The following PYCARD variants were observed in gnomAD, a reference collection of about 807,000 sequenced individuals.
PYCARD encodes apoptosis-associated speck-like protein containing a CARD.
Under a neutral mutation model 10.0 loss-of-function variants are expected in PYCARD, and 10 were observed. The ratio of observed to expected loss-of-function variants is 1.00; its 90% CI spans 0.62 to 1.69. The LOEUF is 1.69. Among genes scored for constraint, PYCARD ranks in the 40% most tolerant of loss-of-function variants. The pLI is 0.00. For missense variants in PYCARD, 239 were observed against 260.2 expected, an observed-to-expected ratio of 0.92 and a Z score of 0.56; for synonymous variants, 121 against 122.3, an observed-to-expected ratio of 0.99 and a Z score of 0.07.
Position 31,202,376 on chromosome 16 carries a change from G to A in PYCARD, c.274+41C>T. On this transcript the variant is annotated intron_variant, in intron 1 of 2. Transcript: ENST00000247470. This position sits in a 1 kb window ranked among gnomAD's most constrained non-coding sequence, Gnocchi z 4.5. ...CCGCGGGGTAAGCGCTGGTGTGGGTGGAGGGGAAAGACGGGGTGGAGGGGA... is the reference window on the plus strand; with the variant it reads ...CCGCGGGGTAAGCGCTGGTGTGGGTAGAGGGGAAAGACGGGGTGGAGGGGA... 1.6e-5 allele frequency: 25 copies of A among 1,527,332 alleles called. No individual in the cohort carries two copies. Among genetic ancestry groups the A allele is most frequent in the Non-Finnish European group, 2.2e-5 (25 of 1,139,578 alleles). The allele number at this position is 1,527,332 out of a possible 1,614,324, so 94.6% of individuals were successfully genotyped here.
rs1330157799 is a variant in PYCARD at position 31,202,469 on chromosome 16, G to A, written c.222C>T (p.Arg74=). 5 of 1,577,766 alleles carry A rather than the reference G, an allele frequency of 3.2e-6. No individual in the cohort carries two copies. The African/African-American group carries it at 4.0e-5, about 13-fold the overall frequency. ...YGAELTANVL[R]DMGLQEMAGQ... is the part of the protein sequence containing the mutation. ...CGGCCATCTCCTGCAGGCCCATGTC[G>A]CGCAGCACGTTAGCGGTGAGCTCGG... Residue 74 remains arginine, a synonymous_variant, in exon 1 of 3, where the codon CGC becomes CGT. Coordinates refer to ENST00000247470, the MANE Select transcript of PYCARD (RefSeq NM_013258.5). The surrounding 1 kb of genome is among the most constrained non-coding windows in gnomAD (Gnocchi z 4.5).
Position 31,202,175 on chromosome 16 carries a change from C to T in PYCARD, c.303G>A (p.Gln101=), listed in dbSNP as rs2079448216. The T allele has an allele frequency of 6.2e-7, 1 of 1,606,760 alleles. No individual in the cohort carries two copies. Among genetic ancestry groups the T allele is most frequent in the East Asian group, 2.2e-5 (1 of 44,862 alleles). The change falls in exon 2 of 3, where the codon CAG becomes CAA. Residue 101 remains glutamine (Q), a synonymous_variant. Transcript: ENST00000247470. This position sits in a 1 kb window ranked among gnomAD's most constrained non-coding sequence, Gnocchi z 4.5. ...QGSGAAPAGI[Q]APPQSAAKPG... Reference sequence around the variant, plus strand: ...GCTTGGCTGCCGACTGAGGAGGGGCCTGGATCCCAGCTGGCGCGGCTCCAG... The same window carrying T: ...GCTTGGCTGCCGACTGAGGAGGGGCTTGGATCCCAGCTGGCGCGGCTCCAG...
chr16:31,202,153 T>C lies in PYCARD; in HGVS notation c.325A>G (p.Lys109Glu). 1.2e-6 allele frequency: 2 copies of C among 1,607,606 alleles called. No homozygotes were observed. Among genetic ancestry groups the C allele is most frequent in the Non-Finnish European group, 8.5e-7 (1 of 1,179,574 alleles). The change falls in exon 2 of 3, where the codon AAG (lysine) becomes GAG (glutamate). Residue 109 changes from lysine to glutamate, a missense_variant. Physicochemically the swap from Lys to Glu is moderately conservative, Grantham distance 56 (BLOSUM62 1). Coordinates refer to ENST00000247470, the MANE Select transcript of PYCARD (RefSeq NM_013258.5). The surrounding 1 kb of genome is among the most constrained non-coding windows in gnomAD (Gnocchi z 4.5). The part of the protein sequence containing the change: ...GIQAPPQSAA[K>E]PGLHFIDQHR... ...CTGGGTGTGGAGGCCTCACCTGGCT[T>C]GGCTGCCGACTGAGGAGGGGCCTGG...
chr16:31,202,708 C>T lies in PYCARD; in HGVS notation c.-18G>A. 2 of 1,527,848 alleles carry T rather than the reference C, an allele frequency of 1.3e-6. No individual in the cohort carries two copies. The highest frequency in any genetic ancestry group is 1.8e-6 in the Non-Finnish European group (2 of 1,140,208). 94.6% of individuals were successfully genotyped at this position (1,527,848 alleles called of 1,614,324 possible). ...CGCCCCATGGCTCCAGGATCCCCGG[C>T]CGCTGCCGCCGCTCACCCCGCTGCA... On this transcript the variant is annotated 5_prime_UTR_variant, in exon 1 of 3. Coordinates refer to ENST00000247470, the MANE Select transcript of PYCARD (RefSeq NM_013258.5). The surrounding 1 kb of genome is among the most constrained non-coding windows in gnomAD (Gnocchi z 4.5).
Position 31,202,324 on chromosome 16 carries a change from G to A in PYCARD, c.274+93C>T, listed in dbSNP as rs776371143. 9 of 1,535,620 alleles carry A rather than the reference G, an allele frequency of 5.9e-6. No homozygotes were observed. Among genetic ancestry groups the A allele is most frequent in the South Asian group, 2.4e-5 (2 of 84,336 alleles). On this transcript the variant is annotated intron_variant, in intron 1 of 2. Coordinates refer to ENST00000247470, the MANE Select transcript of PYCARD (RefSeq NM_013258.5). The surrounding 1 kb of genome is among the most constrained non-coding windows in gnomAD (Gnocchi z 4.5). ...TTCCGGTAGAGCAGCTTTGTTTAGG[G>A]GTAGGAGGAACAGAAAGCGGAAGAG... is the stretch of plus-strand genomic sequence containing the variant.
Position 31,202,349 on chromosome 16 carries a change from G to A in PYCARD, c.274+68C>T, listed in dbSNP as rs2079449832. ...GGTAGGAGGAACAGAAAGCGGAAGA[G>A]CCCGCGGGGTAAGCGCTGGTGTGGG... On this transcript the variant is annotated intron_variant, in intron 1 of 2. Coordinates refer to ENST00000247470, the MANE Select transcript of PYCARD (RefSeq NM_013258.5). The surrounding 1 kb of genome is among the most constrained non-coding windows in gnomAD (Gnocchi z 4.5). 3 of 1,529,272 alleles carry A rather than the reference G, an allele frequency of 2.0e-6. No individual in the cohort carries two copies. The highest frequency in any genetic ancestry group is 2.5e-5 in the East Asian group (1 of 40,740). 94.7% of individuals were successfully genotyped at this position (1,529,272 alleles called of 1,614,324 possible).
rs200845395 is a variant in PYCARD at position 31,201,695 on chromosome 16, G to A, written c.478C>T (p.Arg160Trp). The A allele has an allele frequency of 6.2e-7, 1 of 1,614,098 alleles. No individual in the cohort carries two copies. The highest frequency in any genetic ancestry group is 2.2e-5 in the East Asian group (1 of 44,886). Residue 160 changes from arginine (R) to tryptophan (W), a missense_variant, in exon 3 of 3, where the codon CGG becomes TGG. By Grantham distance (101) the Arg-to-Trp change is moderately radical. Transcript: ENST00000247470. Reference protein sequence around the residue: ...RAEPTNPSKMRKLFSFTPAWN... With the variant: ...RAEPTNPSKMWKLFSFTPAWN... ...GCTGGTGTGAAACTGAAGAGCTTCC[G>A]CATCTTGCTTGGGTTGGTGGGCTCG...
chr16:31,201,565 A>AG lies in PYCARD; in HGVS notation c.*19dup. On this transcript the variant is annotated 3_prime_UTR_variant, in exon 3 of 3. Coordinates refer to ENST00000247470, the MANE Select transcript of PYCARD (RefSeq NM_013258.5). ...GGTGGGATTGCCAGGGGCTGACCGG[A>AG]GTGTTGCTGGGAAGGAGCCTCAGCT... 1 of 1,606,118 alleles carries AG rather than the reference A, an allele frequency of 6.2e-7. No homozygotes were observed. Among genetic ancestry groups the AG allele is most frequent in the Non-Finnish European group, 8.5e-7 (1 of 1,174,202 alleles).
In PYCARD at chr16:31,202,720, C is replaced by G. The variant is rs1471065156; in HGVS notation, c.-30G>C. ...CCAGGATCCCCGGCCGCTGCCGCCGCTCACCCCGCTGCAGCCGCCGACCAG... is the reference window on the plus strand; with the variant it reads ...CCAGGATCCCCGGCCGCTGCCGCCGGTCACCCCGCTGCAGCCGCCGACCAG... On this transcript the variant is annotated 5_prime_UTR_variant, in exon 1 of 3. Transcript: ENST00000247470. This position sits in a 1 kb window ranked among gnomAD's most constrained non-coding sequence, Gnocchi z 4.5. 2 of 1,524,316 alleles carry G rather than the reference C, an allele frequency of 1.3e-6. No individual in the cohort carries two copies. Among genetic ancestry groups the G allele is most frequent in the South Asian group, 2.5e-5 (2 of 80,730 alleles). 94.4% of individuals were successfully genotyped at this position (1,524,316 alleles called of 1,614,324 possible).
chr16:31,202,451 C>G lies in PYCARD; in HGVS notation c.240G>C (p.Glu80Asp). ...TGGCCGCCTGCAGCTGCCCGGCCATCTCCTGCAGGCCCATGTCGCGCAGCA... is the reference window on the plus strand; with the variant it reads ...TGGCCGCCTGCAGCTGCCCGGCCATGTCCTGCAGGCCCATGTCGCGCAGCA... Reference protein sequence around the residue: ...ANVLRDMGLQEMAGQLQAATH... With the variant: ...ANVLRDMGLQDMAGQLQAATH... Residue 80 changes from glutamate to aspartate, a missense_variant, in exon 1 of 3, where the codon GAG (glutamate) becomes GAC (aspartate). By Grantham distance (45) the Glu-to-Asp change is conservative. Transcript: ENST00000247470. The surrounding 1 kb of genome is among the most constrained non-coding windows in gnomAD (Gnocchi z 4.5). The G allele has an allele frequency of 6.4e-7, 1 of 1,559,438 alleles. No homozygotes were observed. Among genetic ancestry groups the G allele is most frequent in the Non-Finnish European group, 8.7e-7 (1 of 1,153,230 alleles).
Position 31,202,727 on chromosome 16 carries a change from C to G in PYCARD, c.-37G>C. 1.3e-6 allele frequency: 2 copies of G among 1,517,794 alleles called. No individual in the cohort carries two copies. Among genetic ancestry groups the G allele is most frequent in the Non-Finnish European group, 1.8e-6 (2 of 1,137,124 alleles). 94.0% of individuals were successfully genotyped at this position (1,517,794 alleles called of 1,614,324 possible). A position where few individuals can be genotyped will look rare whatever the true frequency, so the allele number is the denominator to read the frequency against. On this transcript the variant is annotated 5_prime_UTR_variant, in exon 1 of 3. Coordinates refer to ENST00000247470, the MANE Select transcript of PYCARD (RefSeq NM_013258.5). This position sits in a 1 kb window ranked among gnomAD's most constrained non-coding sequence, Gnocchi z 4.5. Reference sequence around the variant, plus strand: ...CCCCGGCCGCTGCCGCCGCTCACCCCGCTGCAGCCGCCGACCAGGAGGAAG... The same window carrying G: ...CCCCGGCCGCTGCCGCCGCTCACCCGGCTGCAGCCGCCGACCAGGAGGAAG...
rs1217516422 is a variant in PYCARD, at chr16:31,202,085, G to A, written c.331+62C>T. 1.3e-6 allele frequency: 2 copies of A among 1,566,788 alleles called. No homozygotes were observed. Among genetic ancestry groups the A allele is most frequent in the African/African-American group, 1.3e-5 (1 of 74,258 alleles). On this transcript the variant is annotated intron_variant, in intron 2 of 2. Coordinates refer to ENST00000247470, the MANE Select transcript of PYCARD (RefSeq NM_013258.5). This position sits in a 1 kb window ranked among gnomAD's most constrained non-coding sequence, Gnocchi z 4.5. Reference sequence around the variant, plus strand: ...CCCTGCCCTGCCCTGCCCTGGTTGCGGGAGCACAGATGCAGGCTGTGCAGG... The same window carrying A: ...CCCTGCCCTGCCCTGCCCTGGTTGCAGGAGCACAGATGCAGGCTGTGCAGG...
In PYCARD at chr16:31,201,600, G is replaced by A. The variant is rs200652706; in HGVS notation, c.573C>T (p.Asp191=). 386 of 1,613,464 alleles carry A rather than the reference G, an allele frequency of 2.4e-4. No homozygotes were observed. The highest frequency in any genetic ancestry group is 3.2e-4 in the Non-Finnish European group (378 of 1,179,584). ...GGAAGGAGCCTCAGCTCCGCTCCAG[G>A]TCCTCCACCAGGTAGGACTGGGACT... ...LRESQSYLVE[D]LERS The change falls in exon 3 of 3, where the codon GAC becomes GAT. Residue 191 remains aspartate (D), a synonymous_variant. Transcript: ENST00000247470.
At position 31,202,407 on chromosome 16, in the gene PYCARD, G is replaced by C; in HGVS notation, c.274+10C>G. ...GAAAGACGGGGTGGAGGGGAACGGGGGCGGCTCACCCTGGTGCGTGGCCGC... is the reference window on the plus strand; with the variant it reads ...GAAAGACGGGGTGGAGGGGAACGGGCGCGGCTCACCCTGGTGCGTGGCCGC... On this transcript the variant is annotated intron_variant, in intron 1 of 2. Transcript: ENST00000247470. This position sits in a 1 kb window ranked among gnomAD's most constrained non-coding sequence, Gnocchi z 4.5. 1 of 1,530,476 alleles carries C rather than the reference G, an allele frequency of 6.5e-7. No individual in the cohort carries two copies. The highest frequency in any genetic ancestry group is 8.8e-7 in the Non-Finnish European group (1 of 1,138,854). 94.8% of individuals were successfully genotyped at this position (1,530,476 alleles called of 1,614,324 possible). A position where few individuals can be genotyped will look rare whatever the true frequency, so the allele number is the denominator to read the frequency against.
rs1324527366 is a variant in PYCARD at position 31,202,439 on chromosome 16, C to G, written c.252G>C (p.Gln84His). ...CACCCTGGTGCGTGGCCGCCTGCAG[C>G]TGCCCGGCCATCTCCTGCAGGCCCA... ...RDMGLQEMAG[Q>H]LQAATHQGSG... The change falls in exon 1 of 3, where the codon CAG (glutamine) becomes CAC (histidine). Residue 84 changes from glutamine (Q) to histidine (H), a missense_variant. Coordinates refer to ENST00000247470, the MANE Select transcript of PYCARD (RefSeq NM_013258.5). The surrounding 1 kb of genome is among the most constrained non-coding windows in gnomAD (Gnocchi z 4.5). 1 of 1,547,164 alleles carries G rather than the reference C, an allele frequency of 6.5e-7. No homozygotes were observed. The highest frequency in any genetic ancestry group is 1.2e-5 in the South Asian group (1 of 84,970).
At position 31,201,723 on chromosome 16, in the gene PYCARD, C is replaced by G. The variant is rs1442508017; in HGVS notation, c.450G>C (p.Arg150=). ...TCTTGCTTGGGTTGGTGGGCTCGGC[C>G]CGCACTGCCTGGTACTGCTCATCCG... ...VLTDEQYQAV[R]AEPTNPSKMR... is the part of the protein sequence containing the mutation. Residue 150 remains arginine (R), a synonymous_variant, in exon 3 of 3, where the codon CGG becomes CGC. Coordinates refer to ENST00000247470, the MANE Select transcript of PYCARD (RefSeq NM_013258.5). The G allele has an allele frequency of 6.2e-7, 1 of 1,614,038 alleles. No individual in the cohort carries two copies. Among genetic ancestry groups the G allele is most frequent in the African/African-American group, 1.3e-5 (1 of 74,912 alleles).
chr16:31,202,576 T>C lies in PYCARD; in HGVS notation c.115A>G (p.Ile39Val). ...SVPLREGYGRIPRGALLSMDA... is the reference protein window; with the variant it reads ...SVPLREGYGRVPRGALLSMDA... ...ATGGACAGCAGCGCGCCCCGCGGGA[T>C]GCGCCCGTAGCCCTCGCGCAGCGGC... The change falls in exon 1 of 3, where the codon ATC becomes GTC. Residue 39 changes from isoleucine to valine, a missense_variant. Physicochemically the swap from Ile to Val is conservative, Grantham distance 29. Coordinates refer to ENST00000247470, the MANE Select transcript of PYCARD (RefSeq NM_013258.5). This position sits in a 1 kb window ranked among gnomAD's most constrained non-coding sequence, Gnocchi z 4.5. The C allele has an allele frequency of 6.2e-7, 1 of 1,612,988 alleles. No individual in the cohort carries two copies. Among genetic ancestry groups the C allele is most frequent in the Non-Finnish European group, 8.5e-7 (1 of 1,179,780 alleles).
In PYCARD at chr16:31,202,024, G is replaced by T; in HGVS notation, c.331+123C>A. 6.9e-7 allele frequency: 1 copy of T among 1,459,198 alleles called. No individual in the cohort carries two copies. Among genetic ancestry groups the T allele is most frequent in the Admixed American group, 2.2e-5 (1 of 46,454 alleles). 90.4% of individuals were successfully genotyped at this position (1,459,198 alleles called of 1,614,324 possible). On this transcript the variant is annotated intron_variant, in intron 2 of 2. Transcript: ENST00000247470. This position sits in a 1 kb window ranked among gnomAD's most constrained non-coding sequence, Gnocchi z 4.5. ...CCCTTCCCCCGCAGGGTGTGGGTTG[G>T]TGGGTGGGGTGCGCAGGGTTGCCAA...
chr16:31,202,727 C>T lies in PYCARD; in HGVS notation c.-37G>A, dbSNP rs2079453996. 6.6e-7 allele frequency: 1 copy of T among 1,517,794 alleles called. No homozygotes were observed. Among genetic ancestry groups the T allele is most frequent in the East Asian group, 2.3e-5 (1 of 43,392 alleles). 94.0% of individuals were successfully genotyped at this position (1,517,794 alleles called of 1,614,324 possible). On this transcript the variant is annotated 5_prime_UTR_variant, in exon 1 of 3. Transcript: ENST00000247470. The surrounding 1 kb of genome is among the most constrained non-coding windows in gnomAD (Gnocchi z 4.5). ...CCCCGGCCGCTGCCGCCGCTCACCC[C>T]GCTGCAGCCGCCGACCAGGAGGAAG...
Sources: allele counts gnomAD v4.1 joint callset, GRCh38; gene constraint gnomAD v4.1.1; non-coding constraint Gnocchi (gnomAD v3.1); transcripts MANE v1.5; gene names NCBI Gene and HGNC (gene_info 2026-07-23, HGNC 2026-07-21).